Variants in DLGAP2 observed in about 807,000 individuals in gnomAD.
DLGAP2 encodes DLG associated protein 2, also known as disks large-associated protein 2.
In DLGAP2, 26 loss-of-function variants were observed where a neutral mutation model predicts 100.3. That is an observed-to-expected ratio of 0.26 (90% CI 0.19 to 0.36). The LOEUF (loss-of-function observed/expected upper bound fraction) is 0.36. Among genes scored for constraint, DLGAP2 ranks in the 10% least tolerant of loss-of-function variants. DLGAP2 has a pLI of 1.00. For synonymous variants in DLGAP2, 886 were observed against 630.1 expected (o/e 1.41, Z -6.08); for missense variants, 1,858 against 1,453.2 (o/e 1.28, Z -4.53).
intron 2 of DLGAP2, among the ~76,000 whole-genome samples, chr8:965,331 G>A (rs1177490796): frequency 1.8e-5 from 2 of 109,030 alleles, no homozygotes; most frequent in South Asian, 3.4e-4. Flanking sequence ...CGCTGCACAC[G>A]GCACTGTTCA....
Position 1,496,276 on chromosome 8 carries a change from G to A in DLGAP2, c.107-5090G>A, listed in dbSNP as rs549515569. Among the ~76,000 whole-genome samples, 9 of 152,136 alleles carry A rather than the reference G, an allele frequency of 5.9e-5. No individual in the cohort carries two copies. The East Asian group carries it at 1.2e-3, about 20-fold the overall frequency. ...GCAGAATCTCTACATGAGACATTGC[G>A]GTGTCGGTGGAAGCATCACAGGGCC... On this transcript the variant is annotated intron_variant, in intron 3 of 14. Coordinates refer to ENST00000637795, the MANE Select transcript of DLGAP2 (RefSeq NM_001346810.2).
chr8:1,522,743 A>G (rs1004873381), intron 4 of DLGAP2, among the ~76,000 whole-genome samples: 12 of 152,122 alleles, frequency 7.9e-5, no homozygotes, highest in African/African-American at 2.9e-4. Flanking sequence ...TGCTGTGTAA[A>G]CTTTCAAATT....
intron 2 of DLGAP2, among the ~76,000 whole-genome samples, chr8:1,034,401 G>C (rs1185536200): frequency 3.7e-4 from 2 of 5,446 alleles, no homozygotes; most frequent in African/African-American, 3.7e-3. Flanking sequence ...TGGGTTCACA[G>C]CCTCATCCCG....
At chr8:742,762 C>A (rs1820518162) in intron 1 of DLGAP2, among the ~76,000 whole-genome samples, 1 of 152,064 alleles carries the variant, frequency 6.6e-6, no homozygotes, top group Non-Finnish European at 1.5e-5. Context: ...CCTGCCCTGG[C>A]CTCCTCAAGT....
intron 1 of DLGAP2, among the ~76,000 whole-genome samples, chr8:857,216 C>T (rs1228434435): frequency 1.3e-5 from 2 of 152,316 alleles, no homozygotes; most frequent in Admixed American, 1.3e-4. Flanking sequence ...ACAAAATTAA[C>T]ACAAAATGCA....
chr8:1,376,577 A>C (rs915875837), intron 3 of DLGAP2, among the ~76,000 whole-genome samples: 2 of 152,132 alleles, frequency 1.3e-5, no homozygotes, highest in Non-Finnish European at 2.9e-5. Flanking sequence ...CCTCCTGCTG[A>C]AGAAGGGGGA....
At chr8:1,556,174 C>T (rs1056893946) in intron 5 of DLGAP2, among the ~76,000 whole-genome samples, 9 of 152,172 alleles carry the variant, frequency 5.9e-5, no homozygotes, top group Non-Finnish European at 1.0e-4. Context: ...TGACGGCCAC[C>T]GAGTGGTCAC....
intron 3 of DLGAP2, among the ~76,000 whole-genome samples, chr8:1,271,988 T>A (rs1453013226): frequency 6.6e-6 from 1 of 152,062 alleles, no homozygotes; most frequent in Non-Finnish European, 1.5e-5. Context: ...TTTTTGGATT[T>A]TTTTTAGTAG....
intron 2 of DLGAP2, among the ~76,000 whole-genome samples, chr8:1,193,379 A>G (rs1019224316): frequency 2.0e-5 from 3 of 152,096 alleles, no homozygotes; most frequent in East Asian, 1.9e-4. Flanking sequence ...CTGGTCTGAG[A>G]TGGTATCTCA....
At chr8:1,280,772 G>T (rs1346817359) in intron 3 of DLGAP2, among the ~76,000 whole-genome samples, 1 of 152,196 alleles carries the variant, frequency 6.6e-6, no homozygotes, top group African/African-American at 2.4e-5. Flanking sequence ...GGGTCAGGTT[G>T]CCATGCAAGC....
At chr8:990,269 A>G (rs1016320717) in intron 2 of DLGAP2, among the ~76,000 whole-genome samples, 4 of 151,634 alleles carry the variant, frequency 2.6e-5, no homozygotes, top group Non-Finnish European at 4.4e-5. Flanking sequence ...CCTGCGCTGC[A>G]TGGGAATCGA....
chr8:921,335 G>C (rs1447713623), intron 2 of DLGAP2, among the ~76,000 whole-genome samples: 1 of 152,102 alleles, frequency 6.6e-6, no homozygotes, highest in Non-Finnish European at 1.5e-5. Flanking sequence ...GCGTGTCTAT[G>C]GCCATTTCTG....
At chr8:834,472 T>A (rs1382973545) in intron 1 of DLGAP2, among the ~76,000 whole-genome samples, 1 of 152,236 alleles carries the variant, frequency 6.6e-6, no homozygotes, top group Non-Finnish European at 1.5e-5. Context: ...AGGACATTTT[T>A]GATAAACAGA....
intron 1 of DLGAP2, chr8:740,029 C>T (rs928314569): frequency 1.3e-5 from 2 of 152,224 alleles, no homozygotes; most frequent in Admixed American, 6.5e-5. Flanking sequence ...GCCATTCCTG[C>T]CCCTTCACTG....
At chr8:1,446,672 T>C (rs1008601098) in intron 3 of DLGAP2, among the ~76,000 whole-genome samples, 50 of 152,334 alleles carry the variant, frequency 3.3e-4, no homozygotes, top group African/African-American at 1.2e-3. Flanking sequence ...AATGTATAAA[T>C]TACCTTGGGC....
chr8:1,607,715 T>C (rs1365902044), intron 6 of DLGAP2, among the ~76,000 whole-genome samples: 1 of 152,198 alleles, frequency 6.6e-6, no homozygotes, highest in African/African-American at 2.4e-5. Flanking sequence ...GGGCGAGGCA[T>C]TGCCTCACCT....
intron 6 of DLGAP2, among the ~76,000 whole-genome samples, chr8:1,620,722 C>T (rs547097597): frequency 2.0e-4 from 30 of 152,286 alleles, no homozygotes; most frequent in African/African-American, 6.3e-4. Flanking sequence ...AGGAGCCTCT[C>T]GGGGTCTGTG....
At chr8:1,194,884 T>C (rs1158385222) in intron 2 of DLGAP2, among the ~76,000 whole-genome samples, 2 of 152,210 alleles carry the variant, frequency 1.3e-5, no homozygotes, top group Admixed American at 1.3e-4. Context: ...TGTCTGTGCT[T>C]GGTGCTCACG....
In DLGAP2 at chr8:1,604,302, G is replaced by C. The variant is rs1481880822; in HGVS notation, c.1443-22438G>C. The stretch of plus-strand genomic sequence containing the variant: ...ACACCAGGGAGAGATGTTTCACTAG[G>C]GTGTTCATTATGATTTGCAAATGAA... On this transcript the variant is annotated intron_variant, in intron 6 of 14. Coordinates refer to ENST00000637795, the MANE Select transcript of DLGAP2 (RefSeq NM_001346810.2). Among the ~76,000 whole-genome samples the C allele has an allele frequency of 3.3e-5, 5 of 152,220 alleles. 1 individual carries two copies. Among genetic ancestry groups the C allele is most frequent in the African/African-American group, 1.2e-4 (5 of 41,532 alleles).
Sources: gnomAD v4.1 joint callset for allele counts (sites outside exome capture counted in the v4.1 genomes callset) on GRCh38, gnomAD v4.1.1 for gene constraint, MANE v1.5 for transcripts, NCBI Gene and HGNC (gene_info 2026-07-23, HGNC 2026-07-21) for gene names.